PRDM1: variants seen among roughly 807,000 people sequenced by gnomAD.
PRDM1 encodes PR domain zinc finger protein 1.
PRDM1 carries 13 observed loss-of-function variants against 62.8 expected under a neutral mutation model. The ratio of observed to expected loss-of-function variants is 0.21; its 90% CI spans 0.13 to 0.33. PRDM1 has a LOEUF of 0.33. Ranked by LOEUF, PRDM1 falls within the 10% of genes least tolerant of loss-of-function variation. The pLI is 1.00. For synonymous variants in PRDM1, 396 were observed against 417.6 expected (o/e 0.95, Z 0.63); for missense variants, 895 against 1,058.8 (o/e 0.85, Z 2.15).
intron 1 of PRDM1, among the ~76,000 whole-genome samples, chr6:106,004,271 C>G (rs1772459466): frequency 6.6e-6 from 1 of 151,652 alleles, no homozygotes; most frequent in African/African-American, 2.4e-5. Context: ...GTGCATCTAT[C>G]CATGGATACG....
At chr6:106,065,815 G>T (rs1773424038) in intron 1 of PRDM1, among the ~76,000 whole-genome samples, 1 of 152,166 alleles carries the variant, frequency 6.6e-6, no homozygotes, top group South Asian at 2.1e-4. Context: ...TCAGGGGTCT[G>T]CCCCATAATC....
At position 106,107,690 on chromosome 6, in the gene PRDM1, A is replaced by ATATATATG. The variant is rs1317908123; in HGVS notation, c.*211_*212insGTATATAT. 6.3e-4 allele frequency: 141 copies of ATATATATG among 224,958 alleles called. No homozygotes were observed. The South Asian group carries it at 0.011, about 17-fold the overall frequency. The allele number at this position is 224,958 out of a possible 1,614,324, so 13.9% of individuals were successfully genotyped here. On this transcript the variant is annotated 3_prime_UTR_variant, in exon 7 of 7. Transcript: ENST00000369096. The stretch of plus-strand genomic sequence containing the variant: ...CAAGGCAAAGGCCATATATATATAT[A>ATATATATG]TATATATATCTGTATACATATTATA...
chr6:106,035,420 A>G (rs1411149330), intron 1 of PRDM1, among the ~76,000 whole-genome samples: 1 of 152,114 alleles, frequency 6.6e-6, no homozygotes, highest in Non-Finnish European at 1.5e-5. Flanking sequence ...CCAGGAGTTC[A>G]AGACCAATCT....
At chr6:106,087,579 C>A (rs1375270175) in intron 1 of PRDM1, 3 of 232,588 alleles carry the variant, frequency 1.3e-5, no homozygotes, top group Non-Finnish European at 1.7e-5. Flanking sequence ...CAGGATGCAA[C>A]CCTTTTCAGT....
intron 1 of PRDM1, among the ~76,000 whole-genome samples, chr6:106,006,503 T>G (rs1012397693): frequency 6.6e-6 from 1 of 150,772 alleles, no homozygotes; most frequent in Non-Finnish European, 1.5e-5. Flanking sequence ...AGATAGCATT[T>G]TATCGTCTCC....
chr6:106,008,789 G>T (rs917936270), intron 1 of PRDM1, among the ~76,000 whole-genome samples: 1 of 152,180 alleles, frequency 6.6e-6, no homozygotes, highest in Admixed American at 6.5e-5. Context: ...GTCTAAAATA[G>T]ATGCTTGGTT....
chr6:106,011,014 A>T (rs1263776421), intron 1 of PRDM1, among the ~76,000 whole-genome samples: 1 of 152,150 alleles, frequency 6.6e-6, no homozygotes, highest in Non-Finnish European at 1.5e-5. Flanking sequence ...CAGCCTGCAG[A>T]GTCCCATTTG....
upstream of PRDM1, among the ~76,000 whole-genome samples, chr6:106,083,388 AAAG>A (rs1052555546): frequency 6.6e-6 from 1 of 152,092 alleles, no homozygotes; most frequent in African/African-American, 2.4e-5. Context: ...TTAGGAAAAA[AAAG>A]TTCCTTTCGA....
chr6:106,020,406 C>T (rs1343356833), intron 1 of PRDM1, among the ~76,000 whole-genome samples: 1 of 152,034 alleles, frequency 6.6e-6, no homozygotes, highest in African/African-American at 2.4e-5. Context: ...CTCAAGTGAT[C>T]CTCCCGCCTC....
rs746589089 is a variant in PRDM1, at chr6:106,105,538, A to G, written c.1378A>G (p.Met460Val). 1.9e-6 allele frequency: 3 copies of G among 1,612,874 alleles called. No homozygotes were observed. Among genetic ancestry groups the G allele is most frequent in the African/African-American group, 2.7e-5 (2 of 74,884 alleles). ...CGGTGGGGGCAGCCTGCCCCACCCC[A>G]TGCTCAACCCCACTTCTCTCCCGAG... ...LLGGGSLPHP[M>V]LNPTSLPSSL... Residue 460 changes from methionine (M) to valine (V), a missense_variant, in exon 5 of 7, where the codon ATG becomes GTG. Around this residue, in one of 4 missense-constraint regions of PRDM1, gnomAD observed 444 missense variants for 422.7 expected, o/e 1.05. Coordinates refer to ENST00000369096, the MANE Select transcript of PRDM1 (RefSeq NM_001198.4).
chr6:105,999,718 G>T (rs539302153), intron 1 of PRDM1, among the ~76,000 whole-genome samples: 1 of 152,118 alleles, frequency 6.6e-6, no homozygotes, highest in Admixed American at 6.6e-5. Flanking sequence ...GGCGTGCAGG[G>T]CCTCAATTTC....
chr6:106,055,247 A>G (rs1260504468), intron 1 of PRDM1, among the ~76,000 whole-genome samples: 2 of 152,224 alleles, frequency 1.3e-5, no homozygotes, highest in Non-Finnish European at 2.9e-5. Context: ...TTGCAGTTTG[A>G]TGAAGCAAAA....
At chr6:105,997,729 T>C (rs1772364954) in intron 1 of PRDM1, among the ~76,000 whole-genome samples, 1 of 152,284 alleles carries the variant, frequency 6.6e-6, no homozygotes. Flanking sequence ...TCTTTACCCA[T>C]TGGAAATTAT....
In PRDM1 at chr6:106,088,402, T is replaced by G. The variant is rs759219493; in HGVS notation, c.244T>G (p.Ser82Ala). The change falls in exon 2 of 7, where the codon TCC becomes GCC. Residue 82 changes from serine (S) to alanine (A), a missense_variant. Around this residue, in one of 4 missense-constraint regions of PRDM1, gnomAD observed 213 missense variants for 283.9 expected, o/e 0.75. Coordinates refer to ENST00000369096, the MANE Select transcript of PRDM1 (RefSeq NM_001198.4). ...DGGTSVQAEA[S>A]LPRNLLFKYA... Reference sequence around the variant, plus strand: ...CGGTACTTCGGTTCAGGCGGAGGCATCCTTACCAAGGAATCTGCTTTTCAA... The same window carrying G: ...CGGTACTTCGGTTCAGGCGGAGGCAGCCTTACCAAGGAATCTGCTTTTCAA... 1 of 1,614,070 alleles carries G rather than the reference T, an allele frequency of 6.2e-7. No individual in the cohort carries two copies. Among genetic ancestry groups the G allele is most frequent in the African/African-American group, 1.3e-5 (1 of 74,898 alleles).
At chr6:106,041,418 G>T (rs1405070682) in intron 1 of PRDM1, among the ~76,000 whole-genome samples, 1 of 152,132 alleles carries the variant, frequency 6.6e-6, no homozygotes, top group Non-Finnish European at 1.5e-5. Flanking sequence ...ATTGCTTTAG[G>T]TTATTGCTGT....
rs73518741 is a variant in PRDM1 at position 106,106,165 on chromosome 6, A to G, written c.1774-206A>G. On this transcript the variant is annotated intron_variant, in intron 5 of 6. Coordinates refer to ENST00000369096, the MANE Select transcript of PRDM1 (RefSeq NM_001198.4). The surrounding 1 kb of genome is among the most constrained non-coding windows in gnomAD (Gnocchi z 4.4). ...AATAAAAAAATTAGGGGTTTGGACT[A>G]GAAGATTAGGTGAAACTCCCTGCTA... Among the ~76,000 whole-genome samples the G allele has an allele frequency of 0.027, 4,057 of 152,324 alleles. 171 individuals are homozygous for G. Among genetic ancestry groups the G allele is most frequent in the African/African-American group, 0.09 (3,737 of 41,562 alleles).
At chr6:106,098,024 TG>T (rs1313076498) in intron 3 of PRDM1, among the ~76,000 whole-genome samples, 1 of 152,216 alleles carries the variant, frequency 6.6e-6, no homozygotes, top group Non-Finnish European at 1.5e-5. Flanking sequence ...GTTTACCGCC[TG>T]TGTTAAAGGG....
chr6:106,020,856 A>G (rs1163150017), intron 1 of PRDM1, among the ~76,000 whole-genome samples: 2 of 152,162 alleles, frequency 1.3e-5, no homozygotes, highest in African/African-American at 4.8e-5. Flanking sequence ...CTAAATCTCA[A>G]TTTCGAAATG....
At chr6:106,043,804 G>A (rs1459899984), upstream of PRDM1, among the ~76,000 whole-genome samples, 1 of 152,156 alleles carries the variant, frequency 6.6e-6, no homozygotes, top group African/African-American at 2.4e-5. Flanking sequence ...AAAGTACTGG[G>A]ATTACAGGCA....
Sources: gnomAD v4.1 joint callset for allele counts (sites outside exome capture counted in the v4.1 genomes callset) on GRCh38, gnomAD v4.1.1 for gene constraint, gnomAD v4.1.1 regional missense constraint, Gnocchi (gnomAD v3.1) non-coding constraint, MANE v1.5 for transcripts, NCBI Gene and HGNC (gene_info 2026-07-23, HGNC 2026-07-21) for gene names.